The following WWP2 variants were observed in gnomAD, a reference collection of about 807,000 sequenced individuals.
WWP2 encodes the protein NEDD4-like E3 ubiquitin-protein ligase WWP2.
In WWP2, 57 loss-of-function variants were observed where a neutral mutation model predicts 121.0. That is an observed-to-expected ratio of 0.47 (90% CI 0.38 to 0.59). The LOEUF is 0.59. WWP2 is among the 20% of genes least tolerant of loss of function. WWP2 has a pLI of 0.00. For synonymous variants in WWP2, 449 were observed against 441.3 expected (o/e 1.02, Z -0.22); for missense variants, 962 against 1,158.9 (o/e 0.83, Z 2.47).
At chr16:69,793,577 T>C (rs1399157207) in intron 2 of WWP2, among the ~76,000 whole-genome samples, 1 of 151,870 alleles carries the variant, frequency 6.6e-6, no homozygotes, top group Non-Finnish European at 1.5e-5. Context: ...GTGTGGAAAA[T>C]GGTCCTGTGC....
chr16:69,936,915 T>G, intron 19 of WWP2: 1 of 617,718 alleles, frequency 1.6e-6, no homozygotes, highest in Non-Finnish European at 2.7e-6. Context: ...GTGGTGAGGA[T>G]GATTTCAAAG....
chr16:69,936,241 G>C (rs2058796015), intron 18 of WWP2, 71 bp from the exon 19 acceptor site: 2 of 1,598,594 alleles, frequency 1.3e-6, no homozygotes, highest in Non-Finnish European at 1.7e-6. Context: ...TGTCCCACGG[G>C]CAACAGAGCA....
chr16:69,842,757 C>A (rs1286937410), intron 6 of WWP2, among the ~76,000 whole-genome samples: 1 of 152,110 alleles, frequency 6.6e-6, no homozygotes, highest in South Asian at 2.1e-4. Flanking sequence ...GCAGCCTTGA[C>A]CTCCTGGGCT....
At position 69,769,755 on chromosome 16, in the gene WWP2, A is replaced by T. The variant is rs933846097; in HGVS notation, c.-16+7364A>T. Among the ~76,000 whole-genome samples the T allele has an allele frequency of 9.2e-5, 14 of 152,312 alleles. No individual in the cohort carries two copies. The South Asian group carries it at 2.7e-3, about 29-fold the overall frequency. On this transcript the variant is annotated intron_variant, in intron 1 of 23. Coordinates refer to ENST00000359154, the MANE Select transcript of WWP2 (RefSeq NM_001270454.2). The stretch of plus-strand genomic sequence containing the variant: ...TACTATTATTGGGTTCATTTCACAG[A>T]TGAGAAAACTGAGATTTAGAGAGGG...
chr16:69,849,961 A>G (rs1325398281), intron 6 of WWP2, among the ~76,000 whole-genome samples: 3 of 152,268 alleles, frequency 2.0e-5, no homozygotes, highest in Non-Finnish European at 2.9e-5. Flanking sequence ...AGAGATGTTT[A>G]TAATGCCAGA....
At chr16:69,929,101 C>T (rs992100161) in intron 11 of WWP2, among the ~76,000 whole-genome samples, 1 of 152,134 alleles carries the variant, frequency 6.6e-6, no homozygotes, top group Admixed American at 6.5e-5. Context: ...GACTGCCCGG[C>T]TTCCATGCTG....
At position 69,937,584 on chromosome 16, in the gene WWP2, G is replaced by T; in HGVS notation, c.2275G>T (p.Asp759Tyr). 6.2e-7 allele frequency: 1 copy of T among 1,613,904 alleles called. No individual in the cohort carries two copies. Among genetic ancestry groups the T allele is most frequent in the South Asian group, 1.1e-5 (1 of 90,998 alleles). ...CGGCATGCAGGAGATAGACATGAGC[G>T]ACTGGCAGAAGAGCACCATCTACCG... is the stretch of plus-strand genomic sequence containing the variant. ...LCGMQEIDMS[D>Y]WQKSTIYRHY... The change falls in exon 21 of 24, where the codon GAC becomes TAC. Residue 759 changes from aspartate to tyrosine, a missense_variant. By Grantham distance (160) the Asp-to-Tyr change is radical. Transcript: ENST00000359154. This position sits in a 1 kb window ranked among gnomAD's most constrained non-coding sequence, Gnocchi z 6.6.
intron 8 of WWP2, among the ~76,000 whole-genome samples, chr16:69,907,053 A>T (rs2058305885): frequency 6.6e-6 from 1 of 152,244 alleles, no homozygotes; most frequent in African/African-American, 2.4e-5. Context: ...ACACTACAGT[A>T]AATATGGCAT....
chr16:69,906,595 T>C (rs1030519871), intron 8 of WWP2, among the ~76,000 whole-genome samples: 1 of 152,230 alleles, frequency 6.6e-6, no homozygotes, highest in Non-Finnish European at 1.5e-5. Context: ...AATTATGCAG[T>C]TAAAAACCAT....
intron 9 of WWP2, chr16:69,909,276 G>A: frequency 1.0e-6 from 1 of 990,338 alleles, no homozygotes; most frequent in Non-Finnish European, 1.2e-6. Context: ...GGGACAGAAA[G>A]TTCTTTCCAC....
At chr16:69,837,528 A>C (rs892833781) in intron 4 of WWP2, among the ~76,000 whole-genome samples, 1 of 152,162 alleles carries the variant, frequency 6.6e-6, no homozygotes, top group South Asian at 2.1e-4. Flanking sequence ...AATTCAGGCT[A>C]TCTCTCTGCC....
intron 7 of WWP2, among the ~76,000 whole-genome samples, chr16:69,880,181 A>G (rs2057801908): frequency 6.6e-6 from 1 of 151,382 alleles, no homozygotes; most frequent in African/African-American, 2.4e-5. Context: ...ATAGACATGT[A>G]TATAAAATGA....
chr16:69,824,990 C>T (rs912676922), intron 4 of WWP2, among the ~76,000 whole-genome samples: 4 of 151,450 alleles, frequency 2.6e-5, no homozygotes, highest in Non-Finnish European at 4.4e-5. Context: ...AGGCTGGTCT[C>T]GAACTCCTGA....
intron 9 of WWP2, among the ~76,000 whole-genome samples, chr16:69,912,625 C>T (rs1176044940): frequency 2.0e-5 from 3 of 151,914 alleles, no homozygotes; most frequent in Non-Finnish European, 4.4e-5. Flanking sequence ...GAGAAAGAAA[C>T]ATAGATTGTG....
intron 4 of WWP2, among the ~76,000 whole-genome samples, chr16:69,815,122 A>C (rs138991443): frequency 0.047 from 7,058 of 151,424 alleles, 524 homozygotes; most frequent in African/African-American, 0.15. Context: ...CCTGCCTCAG[A>C]CTCCTGAGTA....
At chr16:69,868,660 T>TGCGC (rs1015873503) in intron 6 of WWP2, among the ~76,000 whole-genome samples, 3 of 85,914 alleles carry the variant, frequency 3.5e-5, no homozygotes, top group African/African-American at 1.9e-4. Flanking sequence ...CATACACATG[T>TGCGC]GCACACACAC....
At chr16:69,831,517 C>T (rs1465206801) in intron 4 of WWP2, among the ~76,000 whole-genome samples, 2 of 151,978 alleles carry the variant, frequency 1.3e-5, no homozygotes, top group African/African-American at 4.8e-5. Flanking sequence ...TTTATTAGTA[C>T]CACATGCAAA....
chr16:69,931,539 A>G lies in WWP2; in HGVS notation c.1552A>G (p.Ser518Gly), dbSNP rs768622976. 6.2e-7 allele frequency: 1 copy of G among 1,613,200 alleles called. No homozygotes were observed. Among genetic ancestry groups the G allele is most frequent in the South Asian group, 1.1e-5 (1 of 91,032 alleles). ...TGCCCTACCTAGCCACGTGAAGATC[A>G]GCGTTTCCAGGCAGACGCTTTTCGA... ...SNALPSHVKI[S>G]VSRQTLFEDS... Residue 518 changes from serine (S) to glycine (G), a missense_variant, in exon 15 of 24, where the codon AGC becomes GGC. Ser to Gly is a moderately conservative substitution (Grantham distance 56). Transcript: ENST00000359154.
chr16:69,796,664 C>T (rs1260151477), intron 2 of WWP2, among the ~76,000 whole-genome samples: 1 of 152,162 alleles, frequency 6.6e-6, no homozygotes, highest in Non-Finnish European at 1.5e-5. Context: ...TTTTTAAAGG[C>T]ATGTAGATTC....
Sources: gnomAD v4.1 joint callset for allele counts (sites outside exome capture counted in the v4.1 genomes callset) on GRCh38, gnomAD v4.1.1 for gene constraint, Gnocchi (gnomAD v3.1) non-coding constraint, MANE v1.5 for transcripts, NCBI Gene and HGNC (gene_info 2026-07-23, HGNC 2026-07-21) for gene names.